Variants in ATAD2 observed in about 807,000 individuals in gnomAD.
The protein encoded by ATAD2 is ATPase family AAA domain containing 2.
Under a neutral mutation model 168.9 loss-of-function variants are expected in ATAD2, and 62 were observed. The ratio of observed to expected loss-of-function variants is 0.37; its 90% CI spans 0.30 to 0.45. The LOEUF is 0.45. Ranked by LOEUF, ATAD2 falls within the 20% of genes least tolerant of loss-of-function variation. The pLI is 1.00. For missense variants in ATAD2, 1,419 were observed against 1,667.8 expected, an observed-to-expected ratio of 0.85 and a Z score of 2.60; for synonymous variants, 613 against 571.6, an observed-to-expected ratio of 1.07 and a Z score of -1.03.
At chr8:123,358,710 A>G (rs1218709705) in intron 11 of ATAD2, among the ~76,000 whole-genome samples, 1 of 137,508 alleles carries the variant, frequency 7.3e-6, no homozygotes, top group Non-Finnish European at 1.6e-5. Flanking sequence ...TGTGATTGAT[A>G]TATGGTACAT....
chr8:123,337,796 T>G lies in ATAD2; in HGVS notation c.2880A>C (p.Pro960=). The G allele has an allele frequency of 1.9e-6, 3 of 1,609,556 alleles. No individual in the cohort carries two copies. Residue 960 remains proline, a synonymous_variant, in exon 21 of 28, where the codon CCA becomes CCC. Transcript: ENST00000287394. ...ATCTTGGCTCAGGTGGTGGTGCTACTGGGAGTACCTCCAAAGCCTGCAAAA... is the reference window on the plus strand; with the variant it reads ...ATCTTGGCTCAGGTGGTGGTGCTACGGGGAGTACCTCCAAAGCCTGCAAAA... ...KAVLQALEVL[P]VAPPPEPRSL...
At chr8:123,327,556 C>A (rs1007574124) in intron 25 of ATAD2, among the ~76,000 whole-genome samples, 2 of 151,122 alleles carry the variant, frequency 1.3e-5, no homozygotes, top group Non-Finnish European at 2.9e-5. Flanking sequence ...TATTTTTGAC[C>A]AAAATAAATT....
At chr8:123,389,960 T>TTATATATCTATATATA (rs1829770321) in intron 1 of ATAD2, among the ~76,000 whole-genome samples, 1 of 94,058 alleles carries the variant, frequency 1.1e-5, no homozygotes, top group Non-Finnish European at 2.1e-5. Context: ...TACTATTATT[T>TTATATATCTATATATA]TATATATATA....
At chr8:123,362,451 C>T (rs1008050144) in intron 8 of ATAD2, among the ~76,000 whole-genome samples, 5 of 150,764 alleles carry the variant, frequency 3.3e-5, no homozygotes, top group Non-Finnish European at 5.9e-5. Context: ...CGCTCTATAG[C>T]CCAGGTTGGA....
upstream of ATAD2, among the ~76,000 whole-genome samples, chr8:123,399,583 G>A (rs1044706021): frequency 4.6e-5 from 7 of 151,642 alleles, no homozygotes; most frequent in South Asian, 1.0e-3. Context: ...GAGGCCAGGC[G>A]GGGCGGCTCA....
At chr8:123,412,866 C>A (rs1406171633) in intron 1 of ATAD2, among the ~76,000 whole-genome samples, 1 of 152,110 alleles carries the variant, frequency 6.6e-6, no homozygotes, top group Non-Finnish European at 1.5e-5. Flanking sequence ...TCAGCCTTCT[C>A]CCCCAAACCC....
At chr8:123,396,128 G>A (rs1812812921) in intron 1 of ATAD2, 59 bp downstream of exon 1, 4 of 1,480,580 alleles carry the variant, frequency 2.7e-6, no homozygotes, top group Non-Finnish European at 3.6e-6. Flanking sequence ...TCCGAGCGCC[G>A]GGCTGCCGGC....
intron 13 of ATAD2, chr8:123,352,736 A>C (rs1428217826): frequency 2.0e-5 from 3 of 151,480 alleles, no homozygotes; most frequent in Admixed American, 6.6e-5. Flanking sequence ...AACAACAAAA[A>C]CAAAATCAAA....
chr8:123,415,881 C>T lies in ATAD2; in HGVS notation c.-2282+367G>A, dbSNP rs147952974. ...GTGCTGGGATTACAGGCGTGAGCCA[C>T]CGCACCCGGCCCTAAACACTATTTT... is the stretch of plus-strand genomic sequence containing the variant. On this transcript the variant is annotated intron_variant, in intron 1 of 28. Coordinates refer to the ATAD2 transcript ENST00000521903. Among the ~76,000 whole-genome samples the T allele has an allele frequency of 5.4e-4, 83 of 152,330 alleles. 1 individual carries two copies. The East Asian group carries it at 0.016, about 29-fold the overall frequency.
intron 1 of ATAD2, among the ~76,000 whole-genome samples, chr8:123,385,076 C>T (rs1829609528): frequency 6.6e-6 from 1 of 152,116 alleles, no homozygotes; most frequent in South Asian, 2.1e-4. Context: ...TTAGGTACCT[C>T]CAAACTTGAA....
At chr8:123,407,972 C>CCA (rs1813090366) in intron 1 of ATAD2, among the ~76,000 whole-genome samples, 1 of 152,162 alleles carries the variant, frequency 6.6e-6, no homozygotes, top group East Asian at 1.9e-4. Context: ...AATCATGATT[C>CCA]CACTACCTCA....
chr8:123,332,973 T>TTCC (rs1563834574), intron 24 of ATAD2, among the ~76,000 whole-genome samples: 1 of 151,988 alleles, frequency 6.6e-6, no homozygotes, highest in Admixed American at 6.6e-5. Flanking sequence ...AAAGAAGGGC[T>TTCC]TATTCTTTAT....
intron 24 of ATAD2, among the ~76,000 whole-genome samples, chr8:123,333,102 G>A (rs1422515418): frequency 6.6e-6 from 1 of 151,834 alleles, no homozygotes; most frequent in African/African-American, 2.4e-5. Context: ...AAGGTAGTGA[G>A]GAATGGCCAG....
chr8:123,346,871 T>C (rs925355432), intron 16 of ATAD2, 121 bp from the exon 17 acceptor site: 3 of 1,188,124 alleles, frequency 2.5e-6, no homozygotes, highest in Admixed American at 5.1e-5. Flanking sequence ...AATATTTGTG[T>C]AGATATGAAT....
At chr8:123,391,920 G>A (rs991438521) in intron 1 of ATAD2, among the ~76,000 whole-genome samples, 5 of 152,088 alleles carry the variant, frequency 3.3e-5, no homozygotes, top group Non-Finnish European at 7.4e-5. Context: ...TGTATAAAAG[G>A]GAGGAGAACT....
chr8:123,321,739 T>A (rs534581723), intron 27 of ATAD2, among the ~76,000 whole-genome samples: 71 of 151,860 alleles, frequency 4.7e-4, no homozygotes, highest in Admixed American at 2.0e-3. Context: ...TTTGGGACCA[T>A]CCTAGGCAAC....
At chr8:123,375,526 A>G (rs1829282926) in intron 2 of ATAD2, among the ~76,000 whole-genome samples, 1 of 152,234 alleles carries the variant, frequency 6.6e-6, no homozygotes, top group South Asian at 2.1e-4. Context: ...TATACCCAAA[A>G]GAACTAACAC....
intron 1 of ATAD2, among the ~76,000 whole-genome samples, chr8:123,405,260 C>CTTT (rs34575964): frequency 7.5e-4 from 108 of 143,242 alleles, no homozygotes; most frequent in Admixed American, 1.6e-3. Context: ...TTCTTTCTTT[C>CTTT]TTTTTTTTTT....
chr8:123,344,398 A>G (rs1161448236), intron 19 of ATAD2: 1 of 133,018 alleles, frequency 7.5e-6, no homozygotes, highest in Non-Finnish European at 1.5e-5. Context: ...CCCAGGCTGG[A>G]GTGCAGTGGC....
Sources: allele counts gnomAD v4.1 joint callset (sites outside exome capture counted in the v4.1 genomes callset), GRCh38; gene constraint gnomAD v4.1.1; transcripts MANE v1.5; gene names NCBI Gene and HGNC (gene_info 2026-07-23, HGNC 2026-07-21).